ERBB4: variants seen among roughly 807,000 people sequenced by gnomAD.
ERBB4 encodes the protein receptor tyrosine-protein kinase erbB-4.
Under a neutral mutation model 158.0 loss-of-function variants are expected in ERBB4, and 42 were observed. That is an observed-to-expected ratio of 0.27 (90% CI 0.21 to 0.34). The LOEUF (loss-of-function observed/expected upper bound fraction) is 0.34. ERBB4 is among the 10% of genes least tolerant of loss of function. The pLI is 1.00. For synonymous variants in ERBB4, 583 were observed against 558.7 expected (o/e 1.04, Z -0.61); for missense variants, 1,333 against 1,624.1 (o/e 0.82, Z 3.08).
chr2:211,818,047 C>T (rs950685032), intron 3 of ERBB4, among the ~76,000 whole-genome samples: 1 of 152,086 alleles, frequency 6.6e-6, no homozygotes, highest in Admixed American at 6.6e-5. Context: ...TGATATTACA[C>T]ATTGTTTTTC....
At chr2:211,568,100 A>G (rs2067605313) in intron 19 of ERBB4, among the ~76,000 whole-genome samples, 1 of 152,060 alleles carries the variant, frequency 6.6e-6, no homozygotes. Context: ...TTTTCCAGAA[A>G]AAAATTATTC....
At chr2:211,397,551 C>A (rs1248684123) in intron 25 of ERBB4, among the ~76,000 whole-genome samples, 1 of 152,028 alleles carries the variant, frequency 6.6e-6, no homozygotes, top group East Asian at 1.9e-4. Flanking sequence ...ACTAACAGGC[C>A]TAATTAGAAA....
At chr2:212,266,820 A>G (rs1217431421) in intron 1 of ERBB4, among the ~76,000 whole-genome samples, 1 of 152,006 alleles carries the variant, frequency 6.6e-6, no homozygotes, top group Non-Finnish European at 1.5e-5. Context: ...GTTTTAGATT[A>G]AATAAAAAGG....
At chr2:212,229,252 C>A (rs2083582832) in intron 1 of ERBB4, among the ~76,000 whole-genome samples, 1 of 152,070 alleles carries the variant, frequency 6.6e-6, no homozygotes, top group South Asian at 2.1e-4. Flanking sequence ...ATAATTAGAA[C>A]AACTAACCAA....
intron 1 of ERBB4, among the ~76,000 whole-genome samples, chr2:212,262,944 T>C (rs906635740): frequency 2.2e-4 from 34 of 152,164 alleles, no homozygotes; most frequent in African/African-American, 7.7e-4. Flanking sequence ...GGGTTGAAGA[T>C]TGTCCCCTCA....
chr2:211,939,986 TAG>T (rs2080445820), intron 3 of ERBB4, among the ~76,000 whole-genome samples: 1 of 150,478 alleles, frequency 6.6e-6, no homozygotes, highest in African/African-American at 2.5e-5. Context: ...TATATGTATA[TAG>T]ATAGATAGAT....
intron 20 of ERBB4, among the ~76,000 whole-genome samples, chr2:211,561,187 G>C (rs554227961): frequency 6.6e-6 from 1 of 152,258 alleles, no homozygotes; most frequent in African/African-American, 2.4e-5. Flanking sequence ...GCTTTGTTTA[G>C]ACTCCAGTGT....
At chr2:211,472,675 T>A (rs1199243465) in intron 20 of ERBB4, among the ~76,000 whole-genome samples, 2 of 151,958 alleles carry the variant, frequency 1.3e-5, no homozygotes, top group Non-Finnish European at 2.9e-5. Flanking sequence ...CACCTTTTAC[T>A]TATTCTTCAA....
intron 2 of ERBB4, among the ~76,000 whole-genome samples, chr2:212,045,055 C>T (rs1575558973): frequency 6.6e-6 from 1 of 152,114 alleles, no homozygotes; most frequent in East Asian, 1.9e-4. Context: ...GTTTATTGAC[C>T]AAAAAATAAT....
intron 2 of ERBB4, among the ~76,000 whole-genome samples, chr2:211,953,871 T>G (rs1397393455): frequency 2.5e-5 from 3 of 121,952 alleles, no homozygotes; most frequent in Admixed American, 8.1e-5. Flanking sequence ...ATCATGATTT[T>G]TTAAAAATGA....
chr2:211,874,538 T>G (rs1437051887), intron 3 of ERBB4, among the ~76,000 whole-genome samples: 1 of 152,154 alleles, frequency 6.6e-6, no homozygotes, highest in East Asian at 1.9e-4. Context: ...TTAGGTAAAA[T>G]TTAGGATCTG....
intron 2 of ERBB4, among the ~76,000 whole-genome samples, chr2:211,982,296 G>A (rs1033577408): frequency 6.6e-6 from 1 of 152,068 alleles, no homozygotes; most frequent in South Asian, 2.1e-4. Context: ...ACGATGTCCT[G>A]GAATATACCA....
chr2:211,770,369 AT>A (rs1262561508), intron 4 of ERBB4, among the ~76,000 whole-genome samples: 1 of 152,206 alleles, frequency 6.6e-6, no homozygotes, highest in African/African-American at 2.4e-5. Flanking sequence ...AATTCCAAAA[AT>A]CTCTAATTCT....
intron 2 of ERBB4, among the ~76,000 whole-genome samples, chr2:211,986,284 C>T (rs763122506): frequency 7.2e-5 from 11 of 152,122 alleles, no homozygotes; most frequent in African/African-American, 1.9e-4. Context: ...TAAAGCTACT[C>T]GATTTGTGGC....
At chr2:212,355,103 T>C (rs1401820876) in intron 1 of ERBB4, among the ~76,000 whole-genome samples, 2 of 152,090 alleles carry the variant, frequency 1.3e-5, no homozygotes, top group African/African-American at 2.4e-5. Context: ...GACCAGTCAG[T>C]ATTTAAATAA....
chr2:211,762,497 G>T (rs982803229), intron 4 of ERBB4, among the ~76,000 whole-genome samples: 1 of 152,164 alleles, frequency 6.6e-6, no homozygotes, highest in African/African-American at 2.4e-5. Flanking sequence ...ATATTTCCAG[G>T]TATGTTTCAG....
chr2:211,389,721 T>C (rs982425280), intron 25 of ERBB4, among the ~76,000 whole-genome samples: 1 of 152,110 alleles, frequency 6.6e-6, no homozygotes. Flanking sequence ...TGATAAGTGG[T>C]GTGAATTTGG....
intron 20 of ERBB4, among the ~76,000 whole-genome samples, chr2:211,494,556 G>A (rs1052054192): frequency 3.9e-5 from 6 of 152,058 alleles, no homozygotes; most frequent in Non-Finnish European, 8.8e-5. Context: ...GCAGCTGCCC[G>A]TCTTTCTTTT....
Position 211,657,724 on chromosome 2 carries a change from G to C in ERBB4, c.1946+30C>G, listed in dbSNP as rs763924997. ...TCATGATAACTAGGAAAGGATTTGA[G>C]CGACAAAATGGAAACATGGTAGATG... is the stretch of plus-strand genomic sequence containing the variant. On this transcript the variant is annotated intron_variant, in intron 16 of 27. Transcript: ENST00000342788. 8.3e-6 allele frequency: 13 copies of C among 1,560,836 alleles called. No homozygotes were observed. In the African/African-American group the frequency reaches 1.8e-4, roughly 21 times the overall value.
Sources: allele counts gnomAD v4.1 joint callset (sites outside exome capture counted in the v4.1 genomes callset), GRCh38; gene constraint gnomAD v4.1.1; transcripts MANE v1.5; gene names NCBI Gene and HGNC (gene_info 2026-07-23, HGNC 2026-07-21).